The following MYOCD variants were observed in gnomAD, a reference collection of about 807,000 sequenced individuals.
MYOCD encodes the protein myocardin.
Under a neutral mutation model 96.1 loss-of-function variants are expected in MYOCD, and 32 were observed. That is an observed-to-expected ratio of 0.33 (90% CI 0.25 to 0.45). The LOEUF (loss-of-function observed/expected upper bound fraction) is 0.45. MYOCD is among the 20% of genes least tolerant of loss of function. MYOCD has a pLI of 1.00. For synonymous variants in MYOCD, 469 were observed against 469.0 expected (o/e 1.00, Z 0.00); for missense variants, 1,133 against 1,200.6 (o/e 0.94, Z 0.83).
chr17:12,685,176 G>A (rs1371930412), intron 1 of MYOCD, among the ~76,000 whole-genome samples: 1 of 152,064 alleles, frequency 6.6e-6, no homozygotes, highest in East Asian at 1.9e-4. Context: ...GCACATGCCT[G>A]TAATCCCAGC....
At chr17:12,676,429 A>C (rs1597723741) in intron 1 of MYOCD, among the ~76,000 whole-genome samples, 1 of 152,244 alleles carries the variant, frequency 6.6e-6, no homozygotes, top group Non-Finnish European at 1.5e-5. Flanking sequence ...GGAGGGATCC[A>C]TTCCCAAAAT....
chr17:12,758,965 C>T (rs1567602952), intron 12 of MYOCD, among the ~76,000 whole-genome samples: 1 of 151,990 alleles, frequency 6.6e-6, no homozygotes, highest in Non-Finnish European at 1.5e-5. Context: ...AGGAGAATTG[C>T]TTGAACCTGG....
In MYOCD at chr17:12,722,998, G is replaced by C; in HGVS notation, c.405G>C (p.Glu135Asp). 1 of 1,613,550 alleles carries C rather than the reference G, an allele frequency of 6.2e-7. No individual in the cohort carries two copies. The highest frequency in any genetic ancestry group is 8.5e-7 in the Non-Finnish European group (1 of 1,179,758). Reference protein sequence around the residue: ...NILPVDSAVKEAIKGNQVSFS... With the variant: ...NILPVDSAVKDAIKGNQVSFS... Reference sequence around the variant, plus strand: ...TTCCTGTGGATTCTGCTGTGAAAGAGGCCATAAAAGGTAGTTAGAACAAAT... The same window carrying C: ...TTCCTGTGGATTCTGCTGTGAAAGACGCCATAAAAGGTAGTTAGAACAAAT... The change falls in exon 5 of 14, where the codon GAG becomes GAC. Residue 135 changes from glutamate (E) to aspartate (D), a missense_variant. Physicochemically the swap from Glu to Asp is conservative, Grantham distance 45. Transcript: ENST00000425538.
At chr17:12,701,307 G>A (rs1279524059) in intron 1 of MYOCD, among the ~76,000 whole-genome samples, 1 of 152,160 alleles carries the variant, frequency 6.6e-6, no homozygotes, top group Non-Finnish European at 1.5e-5. Context: ...AGCTACTCAG[G>A]AGGAAGAGGC....
intron 1 of MYOCD, among the ~76,000 whole-genome samples, chr17:12,686,628 G>A (rs979987216): frequency 6.6e-6 from 1 of 152,200 alleles, no homozygotes; most frequent in African/African-American, 2.4e-5. Flanking sequence ...CAGTCTAGAG[G>A]CATGGGAGTA....
intron 5 of MYOCD, among the ~76,000 whole-genome samples, chr17:12,732,383 C>A (rs57729844): frequency 0.063 from 9,528 of 152,164 alleles, 823 homozygotes; most frequent in African/African-American, 0.19. Flanking sequence ...TCCCTTTCTG[C>A]TGTCCTGTCC....
rs1437129527 is a variant in MYOCD at position 12,697,357 on chromosome 17, ATATTT to A, written c.56-7769_56-7765del. 9.5e-3 allele frequency among the ~76,000 whole-genome samples: 820 copies of A among 86,716 alleles called. 8 individuals are homozygous for A. Among genetic ancestry groups the A allele is most frequent in the Admixed American group, 0.046 (313 of 6,854 alleles). 56.9% of individuals were successfully genotyped at this position (86,716 alleles called of 152,430 possible). A position where few individuals can be genotyped will look rare whatever the true frequency, so the allele number is the denominator to read the frequency against. On this transcript the variant is annotated intron_variant, in intron 1 of 13. Coordinates refer to ENST00000425538, the MANE Select transcript of MYOCD (RefSeq NM_001146312.3). ...GGAGTATATATATATATATATATAT[ATATTT>A]TTTTTTTTTTTTTTTTTTGAGACGG...
At chr17:12,739,996 C>T (rs1007853346) in intron 7 of MYOCD, among the ~76,000 whole-genome samples, 1 of 151,914 alleles carries the variant, frequency 6.6e-6, no homozygotes, top group Non-Finnish European at 1.5e-5. Context: ...AATACAGTGG[C>T]GCGATCTCAG....
chr17:12,690,897 C>T (rs2030412779), intron 1 of MYOCD, among the ~76,000 whole-genome samples: 2 of 152,272 alleles, frequency 1.3e-5, no homozygotes, highest in Non-Finnish European at 2.9e-5. Context: ...TATTTAGTAG[C>T]AGAATGGGAA....
intron 1 of MYOCD, among the ~76,000 whole-genome samples, chr17:12,685,070 T>C (rs994091778): frequency 1.3e-5 from 2 of 150,444 alleles, no homozygotes; most frequent in Non-Finnish European, 2.9e-5. Context: ...CCGAATCAGG[T>C]GGATAACTTG....
At chr17:12,758,428 C>G (rs910507789) in intron 12 of MYOCD, 2 of 693,736 alleles carry the variant, frequency 2.9e-6, no homozygotes, top group Non-Finnish European at 4.7e-6. Flanking sequence ...ACCTGTCTGG[C>G]TTTGGTACCA....
intron 12 of MYOCD, 109 bp from the exon 13 acceptor site, chr17:12,760,541 A>G (rs74657418): frequency 4.6e-6 from 4 of 870,708 alleles, no homozygotes; most frequent in Non-Finnish European, 7.6e-6. Flanking sequence ...GGAAAAAAAA[A>G]TACCTTGACC....
chr17:12,719,067 C>A (rs1263217880), intron 4 of MYOCD, among the ~76,000 whole-genome samples: 1 of 149,420 alleles, frequency 6.7e-6, no homozygotes, highest in African/African-American at 2.5e-5. Flanking sequence ...CCCAGCTACT[C>A]AGGAGGCTGA....
intron 1 of MYOCD, among the ~76,000 whole-genome samples, chr17:12,702,756 A>G (rs913687541): frequency 2.0e-5 from 3 of 152,006 alleles, no homozygotes; most frequent in South Asian, 2.1e-4. Flanking sequence ...CAGTCTACCT[A>G]TAGTTAGTAT....
At chr17:12,678,181 G>A (rs1210836478) in intron 1 of MYOCD, among the ~76,000 whole-genome samples, 6 of 151,820 alleles carry the variant, frequency 4.0e-5, no homozygotes, top group Admixed American at 2.0e-4. Context: ...GTGAGCCACC[G>A]CGCCCAGCCT....
At position 12,719,144 on chromosome 17, in the gene MYOCD, C is replaced by T. The variant is rs528833978; in HGVS notation, c.253+1723C>T. Among the ~76,000 whole-genome samples the T allele has an allele frequency of 1.7e-3, 226 of 132,830 alleles. 1 individual carries two copies. The highest frequency in any genetic ancestry group is 2.9e-3 in the Non-Finnish European group (193 of 65,746). 87.1% of individuals were successfully genotyped at this position (132,830 alleles called of 152,430 possible). ...GAGCTGAGATCGCGCCACCGCACTC[C>T]AGCCGGGGCCACAGAGGGAGACTCT... On this transcript the variant is annotated intron_variant, in intron 4 of 13. Coordinates refer to ENST00000425538, the MANE Select transcript of MYOCD (RefSeq NM_001146312.3).
At chr17:12,687,311 C>CAGT (rs1275480683) in intron 1 of MYOCD, among the ~76,000 whole-genome samples, 1 of 152,052 alleles carries the variant, frequency 6.6e-6, no homozygotes, top group Admixed American at 6.6e-5. Flanking sequence ...GAATTTCTTG[C>CAGT]ATTATTATTA....
At chr17:12,697,963 T>TTCCG (rs1444554947) in intron 1 of MYOCD, among the ~76,000 whole-genome samples, 2 of 152,148 alleles carry the variant, frequency 1.3e-5, no homozygotes, top group African/African-American at 4.8e-5. Context: ...ATATACCAAA[T>TTCCG]TCCGTATGCA....
At chr17:12,676,407 G>A (rs1055592375) in intron 1 of MYOCD, among the ~76,000 whole-genome samples, 10 of 151,772 alleles carry the variant, frequency 6.6e-5, no homozygotes, top group African/African-American at 2.4e-4. Context: ...GCACATGCAT[G>A]GAAAAAAGCC....
Sources: allele counts gnomAD v4.1 joint callset (sites outside exome capture counted in the v4.1 genomes callset), GRCh38; gene constraint gnomAD v4.1.1; transcripts MANE v1.5; gene names NCBI Gene and HGNC (gene_info 2026-07-23, HGNC 2026-07-21).